The following BLTP3B variants were observed in gnomAD, a reference collection of about 807,000 sequenced individuals.
BLTP3B encodes UHRF1 (ICBP90) binding protein 1-like.
the BLTP3B span, among the ~76,000 whole-genome samples, chr12:100,141,560 C>T: frequency 1.4e-5 from 2 of 143,480 alleles, no homozygotes; most frequent in East Asian, 3.8e-4. Context: ...GAATTCTGTT[C>T]CCAATATATA....
At chr12:100,104,222 T>G in the BLTP3B span, among the ~76,000 whole-genome samples, 7 of 150,084 alleles carry the variant, frequency 4.7e-5, no homozygotes, top group Admixed American at 2.0e-4. Flanking sequence ...TTTTTTTTTT[T>G]GAGACAGAGT....
chr12:100,039,792 G>C, the BLTP3B span: 2 of 1,604,284 alleles, frequency 1.2e-6, no homozygotes, highest in Admixed American at 3.4e-5. Context: ...GTGAGAATCT[G>C]ATCAAACAAA....
At chr12:100,120,963 T>C in the BLTP3B span, among the ~76,000 whole-genome samples, 2 of 152,300 alleles carry the variant, frequency 1.3e-5, no homozygotes, top group East Asian at 1.9e-4. Flanking sequence ...GCAATAAGAA[T>C]GTACACATAC....
the BLTP3B span, among the ~76,000 whole-genome samples, chr12:100,039,251 G>A: frequency 6.7e-6 from 1 of 149,476 alleles, no homozygotes; most frequent in East Asian, 2.0e-4. Flanking sequence ...ATATTACTAA[G>A]CCATTAAAAA....
At chr12:100,053,614 T>C in the BLTP3B span, among the ~76,000 whole-genome samples, 2 of 152,144 alleles carry the variant, frequency 1.3e-5, no homozygotes, top group East Asian at 1.9e-4. Context: ...TACCTTTGTA[T>C]GTATCTGACA....
the BLTP3B span, among the ~76,000 whole-genome samples, chr12:100,097,683 T>TC: frequency 2.4e-3 from 359 of 152,340 alleles, no homozygotes; most frequent in African/African-American, 8.2e-3. Flanking sequence ...CAATTACACC[T>TC]CTTCATATTC....
the BLTP3B span, chr12:100,097,633 C>T: frequency 9.4e-7 from 1 of 1,059,134 alleles, no homozygotes; most frequent in Non-Finnish European, 1.3e-6. Context: ...ATATATTCAC[C>T]ATGTTTTTAT....
At chr12:100,051,379 T>C in the BLTP3B span, 2 of 558,698 alleles carry the variant, frequency 3.6e-6, no homozygotes, top group Non-Finnish European at 5.8e-6. Flanking sequence ...TGTAATTAGT[T>C]AGCAAACAAT....
At chr12:100,081,717 T>C in the BLTP3B span, among the ~76,000 whole-genome samples, 1 of 152,244 alleles carries the variant, frequency 6.6e-6, no homozygotes. Flanking sequence ...GGCCTCCAGC[T>C]GCATCCATGT....
chr12:100,125,816 T>G, the BLTP3B span, among the ~76,000 whole-genome samples: 1 of 152,234 alleles, frequency 6.6e-6, no homozygotes, highest in African/African-American at 2.4e-5. Flanking sequence ...TTCAAGAACT[T>G]CACATTTTAT....
the BLTP3B span, among the ~76,000 whole-genome samples, chr12:100,047,344 A>G: frequency 6.6e-6 from 1 of 152,110 alleles, no homozygotes; most frequent in African/African-American, 2.4e-5. Context: ...CTAAAAATAC[A>G]AAAATTAACT....
chr12:100,085,061 A>G, the BLTP3B span, among the ~76,000 whole-genome samples: 1 of 152,212 alleles, frequency 6.6e-6, no homozygotes, highest in African/African-American at 2.4e-5. Context: ...AACCTAAACC[A>G]CAAAAATGAT....
At chr12:100,139,143 T>C in the BLTP3B span, among the ~76,000 whole-genome samples, 2 of 152,220 alleles carry the variant, frequency 1.3e-5, no homozygotes, top group Non-Finnish European at 2.9e-5. Context: ...TCATTTCAGA[T>C]TCTTCAAGTA....
chr12:100,137,826 C>T, the BLTP3B span, among the ~76,000 whole-genome samples: 1 of 152,292 alleles, frequency 6.6e-6, no homozygotes, highest in African/African-American at 2.4e-5. Flanking sequence ...ATTTAGTGCA[C>T]TGCCTATTAC....
chr12:100,058,241 G>A, the BLTP3B span: 1 of 1,613,164 alleles, frequency 6.2e-7, no homozygotes, highest in Non-Finnish European at 8.5e-7. Context: ...CTTCTCTGTA[G>A]TTTAAGATAC....
At chr12:100,137,557 G>A in the BLTP3B span, among the ~76,000 whole-genome samples, 1 of 152,064 alleles carries the variant, frequency 6.6e-6, no homozygotes, top group Non-Finnish European at 1.5e-5. Context: ...GGGCTCAAGT[G>A]ATCTGCCTGA....
the BLTP3B span, among the ~76,000 whole-genome samples, chr12:100,045,913 G>A: frequency 5.3e-5 from 8 of 152,116 alleles, no homozygotes; most frequent in African/African-American, 1.9e-4. Context: ...TAAAAAGTGG[G>A]CAAAGGATAT....
At chr12:100,140,737 T>A in the BLTP3B span, among the ~76,000 whole-genome samples, 347 of 113,238 alleles carry the variant, frequency 3.1e-3, 6 homozygotes, top group African/African-American at 0.011. Flanking sequence ...AAAATATATA[T>A]ATATATATAT....
chr12:100,139,794 G>C, the BLTP3B span, among the ~76,000 whole-genome samples: 1 of 152,172 alleles, frequency 6.6e-6, no homozygotes, highest in South Asian at 2.1e-4. Context: ...CATTTAAGTG[G>C]AGAAAGACAA....
Sources: allele counts gnomAD v4.1 joint callset (sites outside exome capture counted in the v4.1 genomes callset), GRCh38; gene constraint gnomAD v4.1.1; transcripts MANE v1.5; gene names NCBI Gene and HGNC (gene_info 2026-07-23, HGNC 2026-07-21).